Variants in SRSF6 observed in about 807,000 individuals in gnomAD.
SRSF6 encodes the protein serine and arginine rich splicing factor 6.
Under a neutral mutation model 42.0 loss-of-function variants are expected in SRSF6, and 17 were observed. That is an observed-to-expected ratio of 0.40 (90% CI 0.28 to 0.61). The LOEUF (loss-of-function observed/expected upper bound fraction) is 0.61, where lower values mean the gene tolerates loss of function less well. Among genes scored for constraint, SRSF6 ranks in the 20% least tolerant of loss-of-function variants. SRSF6 has a pLI of 0.37. For synonymous variants in SRSF6, 204 were observed against 166.7 expected, an observed-to-expected ratio of 1.22 and a Z score of -1.72; for missense variants, 379 against 471.4, an observed-to-expected ratio of 0.80 and a Z score of 1.81.
chr20:43,458,341 G>T lies in SRSF6; in HGVS notation c.108-20G>T. 6.6e-7 allele frequency: 1 copy of T among 1,524,468 alleles called. No homozygotes were observed. Among genetic ancestry groups the T allele is most frequent in the South Asian group, 1.2e-5 (1 of 82,482 alleles). 94.4% of individuals were successfully genotyped at this position (1,524,468 alleles called of 1,614,324 possible). ...GCTAACGACTCCCCCGCGGTTGTCCGGCCCTCGCACCGCCCCTAGGTACGG... is the reference window on the plus strand; with the variant it reads ...GCTAACGACTCCCCCGCGGTTGTCCTGCCCTCGCACCGCCCCTAGGTACGG... On this transcript the variant is annotated intron_variant, in intron 1 of 5. Coordinates refer to ENST00000244020, the MANE Select transcript of SRSF6 (RefSeq NM_006275.6).
At position 43,458,026 on chromosome 20, in the gene SRSF6, C is replaced by T. The variant is rs759687212; in HGVS notation, c.-8C>T. On this transcript the variant is annotated 5_prime_UTR_variant, in exon 1 of 6. Coordinates refer to ENST00000244020, the MANE Select transcript of SRSF6 (RefSeq NM_006275.6). Reference sequence around the variant, plus strand: ...CAACCAGCCCTTGGGTCCCCGCCCGCCACGGACATGCCGCGCGTCTACATA... The same window carrying T: ...CAACCAGCCCTTGGGTCCCCGCCCGTCACGGACATGCCGCGCGTCTACATA... The T allele has an allele frequency of 6.2e-7, 1 of 1,609,158 alleles. No individual in the cohort carries two copies. The highest frequency in any genetic ancestry group is 8.5e-7 in the Non-Finnish European group (1 of 1,177,986).
intron 2 of SRSF6, among the ~76,000 whole-genome samples, chr20:43,458,841 G>A (rs1318531827): frequency 7.6e-6 from 1 of 131,622 alleles, no homozygotes; most frequent in Non-Finnish European, 1.6e-5. Flanking sequence ...CAGTGCATTA[G>A]TTAGAGGTTC....
Position 43,461,198 on chromosome 20 carries a change from C to T in SRSF6, c.*135C>T, listed in dbSNP as rs2017584343. The T allele has an allele frequency of 7.0e-6, 9 of 1,288,450 alleles. No individual in the cohort carries two copies. In the South Asian group the frequency reaches 1.4e-4, roughly 20 times the overall value. The allele number at this position is 1,288,450 out of a possible 1,614,324, so 79.8% of individuals were successfully genotyped here. A position where few individuals can be genotyped will look rare whatever the true frequency, so the allele number is the denominator to read the frequency against. On this transcript the variant is annotated 3_prime_UTR_variant, in exon 6 of 6. Transcript: ENST00000244020. ...GGCACACAGAAATTTGATTTGTGGC[C>T]AAATTGGATGAAAAAGATGAGGCTC...
rs751700084 is a variant in SRSF6 at position 43,458,484 on chromosome 20, C to T, written c.231C>T (p.Arg77=). The change falls in exon 2 of 6, where the codon CGC becomes CGT. Residue 77 remains arginine, a synonymous_variant. Transcript: ENST00000244020. The stretch of plus-strand genomic sequence containing the variant: ...ACGCCCGGGGCCCGCGTCGCGATCG[C>T]GACGGCTACAGCTACGGAAGCCGCA... ...VEHARGPRRD[R]DGYSYGSRSG... 12 of 1,510,648 alleles carry T rather than the reference C, an allele frequency of 7.9e-6. No homozygotes were observed. Among genetic ancestry groups the T allele is most frequent in the Middle Eastern group, 4.7e-4 (2 of 4,294 alleles). The allele number at this position is 1,510,648 out of a possible 1,614,324, so 93.6% of individuals were successfully genotyped here.
chr20:43,458,281 C>T, intron 1 of SRSF6, 80 bp from the exon 2 acceptor site: 3 of 1,399,924 alleles, frequency 2.1e-6, no homozygotes, highest in Non-Finnish European at 2.8e-6. Context: ...CGGGGGCGCG[C>T]GGTGGGGTAC....
At position 43,460,965 on chromosome 20, in the gene SRSF6, C is replaced by G. The variant is rs139554320; in HGVS notation, c.937C>G (p.Arg313Gly). ...SPLPVPPSKA[R>G]SVSPPPKRAT... ...GCTACCTGTTCCACCCTCAAAGGCC[C>G]GTTCTGTGTCCCCTCCACCAAAAAG... The change falls in exon 6 of 6, where the codon CGT becomes GGT. Residue 313 changes from arginine (R) to glycine (G), a missense_variant. Around this residue, in one of 3 missense-constraint regions of SRSF6, gnomAD observed 219 missense variants for 216.1 expected, o/e 1.01. Coordinates refer to ENST00000244020, the MANE Select transcript of SRSF6 (RefSeq NM_006275.6). 4 of 1,614,124 alleles carry G rather than the reference C, an allele frequency of 2.5e-6. No homozygotes were observed. Among genetic ancestry groups the G allele is most frequent in the Non-Finnish European group, 3.4e-6 (4 of 1,180,026 alleles).
intron 1 of SRSF6, 96 bp from the exon 2 acceptor site, chr20:43,458,265 G>A: frequency 7.2e-7 from 1 of 1,394,660 alleles, no homozygotes; most frequent in Non-Finnish European, 9.3e-7. Flanking sequence ...CGACGGCGCG[G>A]CGTCGCGGGG....
chr20:43,460,852 G>A lies in SRSF6; in HGVS notation c.824G>A (p.Arg275Lys). The change falls in exon 6 of 6, where the codon AGG becomes AAG. Residue 275 changes from arginine (R) to lysine (K), a missense_variant. Arg to Lys is a conservative substitution (Grantham distance 26, BLOSUM62 2). Around this residue, in one of 3 missense-constraint regions of SRSF6, gnomAD observed 219 missense variants for 216.1 expected, o/e 1.01. Transcript: ENST00000244020. ...GATGAGTATGAGAAATCTCGAAGCAGGTCTCGGTCCCGATCCCCTAAAGAA... is the reference window on the plus strand; with the variant it reads ...GATGAGTATGAGAAATCTCGAAGCAAGTCTCGGTCCCGATCCCCTAAAGAA... The part of the protein sequence containing the change: ...SKDEYEKSRS[R>K]SRSRSPKENG... 1 of 1,614,114 alleles carries A rather than the reference G, an allele frequency of 6.2e-7. No individual in the cohort carries two copies. The highest frequency in any genetic ancestry group is 8.5e-7 in the Non-Finnish European group (1 of 1,180,024).
In SRSF6 at chr20:43,458,419, A is replaced by G. The variant is rs2017534291; in HGVS notation, c.166A>G (p.Asn56Asp). ...CGCCGACGACGCCGTTTACGAGCTG[A>G]ACGGCAAGGAGCTCTGCGGCGAGCG... ...RDADDAVYEL[N>D]GKELCGERVI... Residue 56 changes from asparagine (N) to aspartate (D), a missense_variant, in exon 2 of 6, where the codon AAC (asparagine) becomes GAC (aspartate). Physicochemically the swap from Asn to Asp is conservative, Grantham distance 23 (BLOSUM62 1). Around this residue, in one of 3 missense-constraint regions of SRSF6, gnomAD observed 117 missense variants for 146.8 expected, o/e 0.80. Transcript: ENST00000244020. 2 of 1,549,770 alleles carry G rather than the reference A, an allele frequency of 1.3e-6. No individual in the cohort carries two copies. Among genetic ancestry groups the G allele is most frequent in the African/African-American group, 1.4e-5 (1 of 69,748 alleles).
intron 1 of SRSF6, 43 bp downstream of exon 1, chr20:43,458,183 G>A: frequency 6.3e-7 from 1 of 1,586,410 alleles, no homozygotes; most frequent in South Asian, 1.1e-5. Context: ...CCCAGGCCTG[G>A]TGGCGGCGGG....
intron 4 of SRSF6, 96 bp from the exon 5 acceptor site, chr20:43,460,419 A>G (rs1337347738): frequency 4.8e-6 from 7 of 1,451,744 alleles, no homozygotes; most frequent in African/African-American, 1.4e-5. Context: ...CGTAGTAAAG[A>G]AAAACATTAT....
intron 2 of SRSF6, 32 bp downstream of exon 2, chr20:43,458,541 T>G (rs1272178647): frequency 1.6e-5 from 23 of 1,439,278 alleles, no homozygotes; most frequent in African/African-American, 4.5e-5. Context: ...TCCGCGCCCT[T>G]GGGGACCCTG....
At position 43,458,522 on chromosome 20, in the gene SRSF6, C is replaced by G. The variant is rs2017536465; in HGVS notation, c.256+13C>G. On this transcript the variant is annotated intron_variant, in intron 2 of 5. Transcript: ENST00000244020. ...TACGGAAGCCGCAGTGAGTCCCACCCCCGCGCGCTCCGCGCCCTTGGGGAC... is the reference window on the plus strand; with the variant it reads ...TACGGAAGCCGCAGTGAGTCCCACCGCCGCGCGCTCCGCGCCCTTGGGGAC... 2 of 1,484,028 alleles carry G rather than the reference C, an allele frequency of 1.3e-6. No individual in the cohort carries two copies. The highest frequency in any genetic ancestry group is 2.5e-5 in the South Asian group (2 of 78,970). 91.9% of individuals were successfully genotyped at this position (1,484,028 alleles called of 1,614,324 possible).
Position 43,457,935 on chromosome 20 carries a change from G to C in SRSF6, c.-99G>C, listed in dbSNP as rs2017521149. On this transcript the variant is annotated 5_prime_UTR_variant, in exon 1 of 6. Coordinates refer to ENST00000244020, the MANE Select transcript of SRSF6 (RefSeq NM_006275.6). ...CTCGGCCGCCCCTGTGGTGTGAGGCGCGTGTTCGGGCTCTTGCCGTCCCCG... is the reference window on the plus strand; with the variant it reads ...CTCGGCCGCCCCTGTGGTGTGAGGCCCGTGTTCGGGCTCTTGCCGTCCCCG... The C allele has an allele frequency of 8.1e-6, 8 of 986,650 alleles. No homozygotes were observed. In the East Asian group the frequency reaches 1.9e-4, roughly 23 times the overall value. The allele number at this position is 986,650 out of a possible 1,614,324, so 61.1% of individuals were successfully genotyped here. A position where few individuals can be genotyped will look rare whatever the true frequency, so the allele number is the denominator to read the frequency against.
At position 43,462,128 on chromosome 20, in the gene SRSF6, T is replaced by G. The variant is rs1600863480; in HGVS notation, c.*1065T>G. On this transcript the variant is annotated 3_prime_UTR_variant, in exon 6 of 6. Transcript: ENST00000244020. ...AGTAGTCAGTCCCCTTTGTAGTTAGTGGGATTATTTGATAATTGGTTAGAT... is the reference window on the plus strand; with the variant it reads ...AGTAGTCAGTCCCCTTTGTAGTTAGGGGGATTATTTGATAATTGGTTAGAT... 1 of 152,240 alleles carries G rather than the reference T, an allele frequency of 6.6e-6. No individual in the cohort carries two copies. Among genetic ancestry groups the G allele is most frequent in the South Asian group, 2.1e-4 (1 of 4,838 alleles). The allele number at this position is 152,240 out of a possible 1,614,324, so 9.4% of individuals were successfully genotyped here.
chr20:43,458,454 A>G lies in SRSF6; in HGVS notation c.201A>G (p.Val67=), dbSNP rs1270821223. The part of the protein sequence containing the change: ...GKELCGERVI[V]EHARGPRRDR... ...AGCTCTGCGGCGAGCGCGTGATCGT[A>G]GAGCACGCCCGGGGCCCGCGTCGCG... The change falls in exon 2 of 6, where the codon GTA becomes GTG. Residue 67 remains valine, a synonymous_variant. Transcript: ENST00000244020. 2 of 1,528,224 alleles carry G rather than the reference A, an allele frequency of 1.3e-6. No homozygotes were observed. The highest frequency in any genetic ancestry group is 8.8e-7 in the Non-Finnish European group (1 of 1,141,922). 94.7% of individuals were successfully genotyped at this position (1,528,224 alleles called of 1,614,324 possible).
intron 2 of SRSF6, among the ~76,000 whole-genome samples, chr20:43,458,817 C>T (rs1413045334): frequency 1.3e-5 from 2 of 149,228 alleles, no homozygotes; most frequent in African/African-American, 5.0e-5. Flanking sequence ...GTTGTATTCT[C>T]CTTACTTACC....
rs1374576397 is a variant in SRSF6 at position 43,460,204 on chromosome 20, A to G, written c.553A>G (p.Thr185Ala). Reference sequence around the variant, plus strand: ...TAGGCTTATTGAAGATAAGCCACGCACAAGCCATAGGCGATCTTACTCTGG... The same window carrying G: ...TAGGCTTATTGAAGATAAGCCACGCGCAAGCCATAGGCGATCTTACTCTGG... ...NIRLIEDKPR[T>A]SHRRSYSGSR... The change falls in exon 4 of 6, where the codon ACA becomes GCA. Residue 185 changes from threonine to alanine, a missense_variant. Around this residue, in one of 3 missense-constraint regions of SRSF6, gnomAD observed 219 missense variants for 216.1 expected, o/e 1.01. Transcript: ENST00000244020. 2.5e-6 allele frequency: 4 copies of G among 1,614,140 alleles called. No individual in the cohort carries two copies. The highest frequency in any genetic ancestry group is 1.6e-4 in the Middle Eastern group (1 of 6,062).
chr20:43,458,039 G>T lies in SRSF6; in HGVS notation c.6G>T (p.Pro2=). 6.2e-7 allele frequency: 1 copy of T among 1,611,680 alleles called. No individual in the cohort carries two copies. Reference sequence around the variant, plus strand: ...GGTCCCCGCCCGCCACGGACATGCCGCGCGTCTACATAGGACGCCTGAGCT... The same window carrying T: ...GGTCCCCGCCCGCCACGGACATGCCTCGCGTCTACATAGGACGCCTGAGCT... M[P]RVYIGRLSYN... The change falls in exon 1 of 6, where the codon CCG becomes CCT. Residue 2 remains proline, a synonymous_variant. Transcript: ENST00000244020.
Sources: allele counts gnomAD v4.1 joint callset (sites outside exome capture counted in the v4.1 genomes callset), GRCh38; gene constraint gnomAD v4.1.1; regional missense constraint gnomAD v4.1.1; transcripts MANE v1.5; gene names NCBI Gene and HGNC (gene_info 2026-07-23, HGNC 2026-07-21).